NELL1: variants seen among roughly 807,000 people sequenced by gnomAD.
NELL1 encodes neural EGFL like 1.
In NELL1, 76 loss-of-function variants were observed where a neutral mutation model predicts 107.4. The observed-to-expected ratio is 0.71, with a 90% confidence interval of 0.59 to 0.86. The LOEUF (loss-of-function observed/expected upper bound fraction) is 0.86. Among genes scored for constraint, NELL1 ranks in the 40% least tolerant of loss-of-function variants. The pLI is 0.00. For synonymous variants in NELL1, 353 were observed against 341.2 expected, an observed-to-expected ratio of 1.03 and a Z score of -0.38; for missense variants, 1,024 against 1,005.5, an observed-to-expected ratio of 1.02 and a Z score of -0.25.
intron 14 of NELL1, among the ~76,000 whole-genome samples, chr11:21,293,562 C>G (rs1027764679): frequency 6.6e-6 from 1 of 152,052 alleles, no homozygotes; most frequent in Non-Finnish European, 1.5e-5. Flanking sequence ...ACCATTTGAC[C>G]CAGCAATGCC....
chr11:20,803,425 TTTG>T (rs1353896681), intron 3 of NELL1, among the ~76,000 whole-genome samples: 2 of 152,198 alleles, frequency 1.3e-5, no homozygotes, highest in Non-Finnish European at 2.9e-5. Context: ...TCTGATTTTA[TTTG>T]TTATCTCTTT....
intron 9 of NELL1, among the ~76,000 whole-genome samples, chr11:20,935,277 A>T (rs147322786): frequency 1.3e-4 from 20 of 152,302 alleles, no homozygotes; most frequent in Middle Eastern, 3.4e-3. Context: ...AGTGAGGACG[A>T]TTAACCAGTG....
intron 12 of NELL1, among the ~76,000 whole-genome samples, chr11:21,049,618 G>A (rs1250324316): frequency 6.6e-6 from 1 of 152,034 alleles, no homozygotes; most frequent in African/African-American, 2.4e-5. Context: ...TGCTAACCAG[G>A]GCCACTGCCA....
chr11:21,067,587 G>T (rs1590604160), intron 12 of NELL1, among the ~76,000 whole-genome samples: 1 of 152,244 alleles, frequency 6.6e-6, no homozygotes, highest in African/African-American at 2.4e-5. Context: ...TTTCCTTGGG[G>T]AAAAAGATGT....
chr11:21,248,474 G>T (rs1858552150), intron 14 of NELL1, among the ~76,000 whole-genome samples: 1 of 152,172 alleles, frequency 6.6e-6, no homozygotes, highest in South Asian at 2.1e-4. Flanking sequence ...TTGGGTGATG[G>T]CAAGAAATCA....
At chr11:21,111,567 G>GC (rs1855108728) in intron 12 of NELL1, among the ~76,000 whole-genome samples, 2 of 152,062 alleles carry the variant, frequency 1.3e-5, no homozygotes, top group Non-Finnish European at 2.9e-5. Flanking sequence ...ACAGGTATAT[G>GC]GTGGCTTGCT....
intron 13 of NELL1, among the ~76,000 whole-genome samples, chr11:21,224,401 T>TTC (rs1004517818): frequency 6.6e-6 from 1 of 151,628 alleles, no homozygotes; most frequent in African/African-American, 2.4e-5. Context: ...AGATTTTTTT[T>TTC]TTTTTTGGTA....
rs529240826 is a variant in NELL1 at position 20,866,055 on chromosome 11, G to GC, written c.506+18307dup. 4.8e-3 allele frequency among the ~76,000 whole-genome samples: 724 copies of GC among 152,186 alleles called. 1 individual carries two copies. The highest frequency in any genetic ancestry group is 0.011 in the South Asian group (55 of 4,804). Reference sequence around the variant, plus strand: ...TTGCTTCTGTCTATACCACCCTCCTGCCCCCTGCCTTCAAGGAAGAAGACA... The same window carrying GC: ...TTGCTTCTGTCTATACCACCCTCCTGCCCCCCTGCCTTCAAGGAAGAAGACA... On this transcript the variant is annotated intron_variant, in intron 4 of 19. Transcript: ENST00000357134.
At position 20,923,472 on chromosome 11, in the gene NELL1, G is replaced by A. The variant is rs545496567; in HGVS notation, c.760-3836G>A. ...CTACCTCAAGTAATAAACCTTTTTT[G>A]TCCTCCTACATTTCCCTTAGTGATC... On this transcript the variant is annotated intron_variant, in intron 7 of 19. Transcript: ENST00000357134. Among the ~76,000 whole-genome samples the A allele has an allele frequency of 6.6e-5, 10 of 152,064 alleles. No individual in the cohort carries two copies. The South Asian group carries it at 1.4e-3, about 22-fold the overall frequency.
At chr11:20,878,023 A>T (rs1849337351) in intron 4 of NELL1, among the ~76,000 whole-genome samples, 1 of 152,178 alleles carries the variant, frequency 6.6e-6, no homozygotes, top group African/African-American at 2.4e-5. Context: ...TAGACTGATT[A>T]CAACATAATC....
chr11:21,219,469 C>T (rs188077591), intron 13 of NELL1, among the ~76,000 whole-genome samples: 70 of 152,292 alleles, frequency 4.6e-4, no homozygotes, highest in Non-Finnish European at 7.8e-4. Flanking sequence ...TGTGCAGAAG[C>T]ACTTTAGTTT....
chr11:20,774,342 CCT>C (rs1362135839), intron 2 of NELL1, among the ~76,000 whole-genome samples: 1 of 144,344 alleles, frequency 6.9e-6, no homozygotes, highest in Non-Finnish European at 1.5e-5. Flanking sequence ...TTCCTTCTCT[CCT>C]CTCTCTCCTT....
In NELL1 at chr11:21,167,266, G is replaced by T. The variant is rs79089452; in HGVS notation, c.1426+53552G>T. ...AGAAGCCACATACTTTTCAGTTTTA[G>T]GTCCTAAGAGACAAGAGAGACTCTT... On this transcript the variant is annotated intron_variant, in intron 13 of 19. Coordinates refer to ENST00000357134, the MANE Select transcript of NELL1 (RefSeq NM_006157.5). Among the ~76,000 whole-genome samples the T allele has an allele frequency of 7.2e-5, 11 of 151,852 alleles. No homozygotes were observed. In the East Asian group the frequency reaches 2.1e-3, roughly 29 times the overall value.
At chr11:21,109,570 C>T (rs1241742053) in intron 12 of NELL1, among the ~76,000 whole-genome samples, 3 of 152,142 alleles carry the variant, frequency 2.0e-5, no homozygotes, top group Admixed American at 6.5e-5. Context: ...AAAGGTCAGA[C>T]TGCATTTCAA....
chr11:21,082,707 T>C (rs1019520540), intron 12 of NELL1, among the ~76,000 whole-genome samples: 1 of 152,168 alleles, frequency 6.6e-6, no homozygotes, highest in African/African-American at 2.4e-5. Flanking sequence ...TTTATGTACA[T>C]GATTCCCCTC....
chr11:20,698,060 G>A (rs1220560725), intron 2 of NELL1, among the ~76,000 whole-genome samples: 1 of 152,178 alleles, frequency 6.6e-6, no homozygotes, highest in African/African-American at 2.4e-5. Flanking sequence ...ACCTCAGGGA[G>A]CATTTACTAG....
chr11:20,733,949 G>C (rs903477723), intron 2 of NELL1, among the ~76,000 whole-genome samples: 1 of 152,184 alleles, frequency 6.6e-6, no homozygotes, highest in Non-Finnish European at 1.5e-5. Context: ...TTAGTGACAA[G>C]TGCTATGAAG....
intron 16 of NELL1, among the ~76,000 whole-genome samples, chr11:21,538,446 G>C (rs547496684): frequency 6.6e-6 from 1 of 152,256 alleles, no homozygotes; most frequent in South Asian, 2.1e-4. Flanking sequence ...TGCAGAGGCA[G>C]ATAGAGTCAC....
intron 15 of NELL1, among the ~76,000 whole-genome samples, chr11:21,446,019 C>T (rs565466842): frequency 6.6e-6 from 1 of 151,910 alleles, no homozygotes; most frequent in African/African-American, 2.4e-5. Flanking sequence ...ATCTTGTATA[C>T]TTTTTTCTTT....
Sources: allele counts gnomAD v4.1 joint callset (sites outside exome capture counted in the v4.1 genomes callset), GRCh38; gene constraint gnomAD v4.1.1; transcripts MANE v1.5; gene names NCBI Gene and HGNC (gene_info 2026-07-23, HGNC 2026-07-21).